CADM2: variants seen among roughly 807,000 people sequenced by gnomAD.
CADM2 encodes immunoglobulin superfamily member 4D.
CADM2 carries 12 observed loss-of-function variants against 49.8 expected under a neutral mutation model. The observed-to-expected ratio is 0.24, with a 90% confidence interval of 0.15 to 0.39. The LOEUF (loss-of-function observed/expected upper bound fraction) is 0.39, where lower values mean the gene tolerates loss of function less well. Ranked by LOEUF, CADM2 falls within the 10% of genes least tolerant of loss-of-function variation. CADM2 has a pLI of 1.00. For synonymous variants in CADM2, 214 were observed against 175.4 expected, an observed-to-expected ratio of 1.22 and a Z score of -1.74; for missense variants, 378 against 492.3, an observed-to-expected ratio of 0.77 and a Z score of 2.20.
At chr3:85,963,986 T>C (rs1725162942) in intron 8 of CADM2, among the ~76,000 whole-genome samples, 1 of 151,880 alleles carries the variant, frequency 6.6e-6, no homozygotes, top group South Asian at 2.1e-4. Flanking sequence ...AGTGAAACCA[T>C]ATTATGCTGT....
chr3:85,490,103 A>G (rs1392057093), intron 1 of CADM2, among the ~76,000 whole-genome samples: 1 of 152,052 alleles, frequency 6.6e-6, no homozygotes, highest in African/African-American at 2.4e-5. Context: ...TTACCTTCCT[A>G]GAGTCCCTTG....
At chr3:85,500,100 G>A (rs1207007961) in intron 1 of CADM2, among the ~76,000 whole-genome samples, 1 of 152,104 alleles carries the variant, frequency 6.6e-6, no homozygotes, top group Non-Finnish European at 1.5e-5. Context: ...ATATTAGGGA[G>A]AGCATTTATT....
chr3:85,066,998 T>A (rs995669288), intron 1 of CADM2, among the ~76,000 whole-genome samples: 1 of 152,132 alleles, frequency 6.6e-6, no homozygotes, highest in African/African-American at 2.4e-5. Flanking sequence ...GCTATATTTG[T>A]ATCATTTTGA....
intron 3 of CADM2, among the ~76,000 whole-genome samples, chr3:85,871,540 C>T (rs1190247539): frequency 6.6e-6 from 1 of 152,106 alleles, no homozygotes; most frequent in African/African-American, 2.4e-5. Context: ...GGGTGAGTTA[C>T]TGAACCTCTC....
At chr3:85,031,056 C>A (rs1025233367) in intron 1 of CADM2, among the ~76,000 whole-genome samples, 4 of 152,096 alleles carry the variant, frequency 2.6e-5, no homozygotes, top group African/African-American at 7.2e-5. Flanking sequence ...TGAAGATTTG[C>A]TGTGGTTACT....
At chr3:85,091,900 A>T (rs915177782) in intron 1 of CADM2, among the ~76,000 whole-genome samples, 1 of 152,130 alleles carries the variant, frequency 6.6e-6, no homozygotes, top group Non-Finnish European at 1.5e-5. Context: ...TAAACATCAA[A>T]TTCCAATAAT....
At chr3:85,429,663 G>A (rs1267091842) in intron 1 of CADM2, among the ~76,000 whole-genome samples, 1 of 151,910 alleles carries the variant, frequency 6.6e-6, no homozygotes, top group African/African-American at 2.4e-5. Flanking sequence ...ATAATCTTGA[G>A]AAATAAAAAG....
intron 1 of CADM2, among the ~76,000 whole-genome samples, chr3:85,625,923 A>G (rs1293646941): frequency 6.6e-6 from 1 of 152,030 alleles, no homozygotes; most frequent in African/African-American, 2.4e-5. Context: ...TTTTATATGT[A>G]CCAAACTTGA....
At chr3:85,294,919 C>T (rs1407826593) in intron 1 of CADM2, among the ~76,000 whole-genome samples, 4 of 152,164 alleles carry the variant, frequency 2.6e-5, no homozygotes, top group Non-Finnish European at 4.4e-5. Context: ...GCAATGGCAA[C>T]AAAAGCCAAA....
intron 1 of CADM2, among the ~76,000 whole-genome samples, chr3:85,555,886 G>A (rs1002022569): frequency 6.6e-6 from 1 of 152,042 alleles, no homozygotes; most frequent in African/African-American, 2.4e-5. Flanking sequence ...CATTGAAATA[G>A]ATTTTAAATG....
In CADM2 at chr3:85,695,626, A is replaced by G. The variant is rs529791074; in HGVS notation, c.62-30896A>G. ...CACACACGCACACAAACACACTTAC[A>G]TACATACTACATTTTCTTTATCCAT... On this transcript the variant is annotated intron_variant, in intron 1 of 9. Coordinates refer to ENST00000383699, the MANE Select transcript of CADM2 (RefSeq NM_001167675.2). Among the ~76,000 whole-genome samples the G allele has an allele frequency of 8.5e-5, 13 of 152,166 alleles. No individual in the cohort carries two copies. The East Asian group carries it at 1.4e-3, about 16-fold the overall frequency.
At chr3:85,628,372 A>G (rs994403013) in intron 1 of CADM2, among the ~76,000 whole-genome samples, 4 of 151,518 alleles carry the variant, frequency 2.6e-5, no homozygotes, top group African/African-American at 9.7e-5. Flanking sequence ...AGTGGCATCT[A>G]TTTCACTTCT....
intron 3 of CADM2, among the ~76,000 whole-genome samples, chr3:85,873,527 A>G (rs1443337769): frequency 6.6e-6 from 1 of 152,030 alleles, no homozygotes; most frequent in Non-Finnish European, 1.5e-5. Flanking sequence ...TTAGTCAGGC[A>G]TGGTGGTGTG....
intron 1 of CADM2, among the ~76,000 whole-genome samples, chr3:85,695,536 T>C (rs1181725571): frequency 1.3e-5 from 2 of 151,904 alleles, no homozygotes; most frequent in Non-Finnish European, 2.9e-5. Context: ...TTTATTCATT[T>C]TAATTGTTAA....
chr3:85,240,791 C>T (rs570619820), intron 1 of CADM2, among the ~76,000 whole-genome samples: 8 of 151,418 alleles, frequency 5.3e-5, no homozygotes, highest in Non-Finnish European at 1.0e-4. Context: ...ATAGATGCAC[C>T]TATTATTTTG....
intron 6 of CADM2, among the ~76,000 whole-genome samples, chr3:85,916,132 T>C (rs1015082767): frequency 6.6e-6 from 1 of 152,118 alleles, no homozygotes; most frequent in Non-Finnish European, 1.5e-5. Flanking sequence ...AAAATATTAA[T>C]CATACATTTA....
At position 86,066,817 on chromosome 3, in the gene CADM2, G is replaced by T; in HGVS notation, c.*34G>T. The T allele has an allele frequency of 7.0e-7, 1 of 1,423,370 alleles. No homozygotes were observed. The highest frequency in any genetic ancestry group is 9.9e-7 in the Non-Finnish European group (1 of 1,007,864). The allele number at this position is 1,423,370 out of a possible 1,614,324, so 88.2% of individuals were successfully genotyped here. A position where few individuals can be genotyped will look rare whatever the true frequency, so the allele number is the denominator to read the frequency against. On this transcript the variant is annotated 3_prime_UTR_variant, in exon 10 of 10. Transcript: ENST00000383699. ...CCAAGATTCTGAGTTTTACTACCAGGCTGAATGCTGGAGAAAACTGGCTAT... is the reference window on the plus strand; with the variant it reads ...CCAAGATTCTGAGTTTTACTACCAGTCTGAATGCTGGAGAAAACTGGCTAT...
intron 1 of CADM2, among the ~76,000 whole-genome samples, chr3:85,160,177 G>A (rs2040273990): frequency 1.3e-5 from 2 of 152,036 alleles, no homozygotes; most frequent in African/African-American, 2.4e-5. Flanking sequence ...TTCTAAATGA[G>A]GGTTTTCAGC....
At chr3:85,957,060 T>C (rs2875492) in intron 7 of CADM2, among the ~76,000 whole-genome samples, 10,057 of 151,676 alleles carry the variant, frequency 0.066, 892 homozygotes, top group African/African-American at 0.2. Context: ...TGTGACTTTG[T>C]GGAAAGGGCA....
Sources: gnomAD v4.1 joint callset for allele counts (sites outside exome capture counted in the v4.1 genomes callset) on GRCh38, gnomAD v4.1.1 for gene constraint, MANE v1.5 for transcripts, NCBI Gene and HGNC (gene_info 2026-07-23, HGNC 2026-07-21) for gene names.